SULT4A1: variants seen among roughly 807,000 people sequenced by gnomAD.
SULT4A1 encodes the protein sulfotransferase 4A1.
In SULT4A1, 11 loss-of-function variants were observed where a neutral mutation model predicts 35.2. The ratio of observed to expected loss-of-function variants is 0.31; its 90% CI spans 0.20 to 0.52. The LOEUF (loss-of-function observed/expected upper bound fraction) is 0.52. SULT4A1 is among the 20% of genes least tolerant of loss of function. The pLI is 0.97. For missense variants in SULT4A1, 271 were observed against 383.7 expected (o/e 0.71, Z 2.45); for synonymous variants, 152 against 151.8 (o/e 1.00, Z -0.01).
At chr22:43,851,728 C>G (rs1380146861) in intron 1 of SULT4A1, among the ~76,000 whole-genome samples, 3 of 152,204 alleles carry the variant, frequency 2.0e-5, no homozygotes, top group Non-Finnish European at 4.4e-5. Context: ...CCCACATGCC[C>G]TGTGTCCCAG....
At chr22:43,859,671 T>C (rs949674462) in intron 1 of SULT4A1, among the ~76,000 whole-genome samples, 1 of 152,196 alleles carries the variant, frequency 6.6e-6, no homozygotes, top group Non-Finnish European at 1.5e-5. Flanking sequence ...AAGGTCCTTC[T>C]CAGAAGACAC....
rs776849549 is a variant in SULT4A1 at position 43,862,197 on chromosome 22, G to A, written c.169+17C>T. ...GCTGGGGCATGGCGTGGCGGGCGCG[G>A]TCGGCGCGGGGCTCACCGGACTTGG... On this transcript the variant is annotated intron_variant, in intron 1 of 6. Coordinates refer to ENST00000330884, the MANE Select transcript of SULT4A1 (RefSeq NM_014351.4). 8.0e-6 allele frequency: 12 copies of A among 1,501,624 alleles called. 1 individual carries two copies. Among genetic ancestry groups the A allele is most frequent in the Non-Finnish European group, 8.9e-6 (10 of 1,124,384 alleles). The allele number at this position is 1,501,624 out of a possible 1,614,324, so 93.0% of individuals were successfully genotyped here. A position where few individuals can be genotyped will look rare whatever the true frequency, so the allele number is the denominator to read the frequency against.
At chr22:43,852,119 G>T (rs1242065606) in intron 1 of SULT4A1, among the ~76,000 whole-genome samples, 2 of 152,164 alleles carry the variant, frequency 1.3e-5, no homozygotes, top group Non-Finnish European at 2.9e-5. Context: ...ACAGGGTTCT[G>T]GAGTCCCGGG....
chr22:43,841,821 G>A lies in SULT4A1; in HGVS notation c.281C>T (p.Pro94Leu), dbSNP rs1411613196. The change falls in exon 2 of 7, where the codon CCG (proline) becomes CTG (leucine). Residue 94 changes from proline (P) to leucine (L), a missense_variant. By Grantham distance (98) the Pro-to-Leu change is moderately conservative (BLOSUM62 -3). This residue lies in a region of SULT4A1 where 164 missense variants were observed against 254.1 expected (regional missense o/e 0.65). Transcript: ENST00000330884. ...EQLPVLEYPQ[P>L]GLDIIKELTS... Reference sequence around the variant, plus strand: ...GGGTACCTTGATGATGTCCAGGCCCGGCTGTGGGTACTCCAGGACCGGGAG... The same window carrying A: ...GGGTACCTTGATGATGTCCAGGCCCAGCTGTGGGTACTCCAGGACCGGGAG... The A allele has an allele frequency of 1.6e-5, 26 of 1,613,606 alleles. No individual in the cohort carries two copies. Among genetic ancestry groups the A allele is most frequent in the Non-Finnish European group, 2.1e-5 (25 of 1,179,682 alleles).
chr22:43,830,609 C>T lies in SULT4A1; in HGVS notation c.604-1411G>A, dbSNP rs149294963. ...CGGCACGGAGCCAGCGTGTTGGGGT[C>T]GTGCCTCCACATGGGCAGGTACTAG... is the stretch of plus-strand genomic sequence containing the variant. On this transcript the variant is annotated intron_variant, in intron 5 of 6. Transcript: ENST00000330884. Among the ~76,000 whole-genome samples the T allele has an allele frequency of 3.3e-5, 5 of 152,342 alleles. No homozygotes were observed. The East Asian group carries it at 7.7e-4, about 24-fold the overall frequency.
chr22:43,858,049 CAAA>C (rs11362056), intron 1 of SULT4A1, among the ~76,000 whole-genome samples: 4 of 91,754 alleles, frequency 4.4e-5, no homozygotes, highest in Non-Finnish European at 8.0e-5. Context: ...GATCCTGTCT[CAAA>C]AAAAAAAAAA....
intron 4 of SULT4A1, among the ~76,000 whole-genome samples, chr22:43,837,486 A>C (rs1348209061): frequency 6.6e-6 from 1 of 152,164 alleles, no homozygotes; most frequent in Non-Finnish European, 1.5e-5. Flanking sequence ...TGCCTGGTGG[A>C]CCACAAGAGC....
At chr22:43,849,794 C>T (rs535132431) in intron 1 of SULT4A1, among the ~76,000 whole-genome samples, 3 of 152,218 alleles carry the variant, frequency 2.0e-5, no homozygotes, top group East Asian at 1.9e-4. Context: ...CCTTAACCCT[C>T]GCTGGCAGAA....
intron 1 of SULT4A1, among the ~76,000 whole-genome samples, chr22:43,846,583 T>A (rs1402683586): frequency 3.3e-5 from 5 of 152,166 alleles, no homozygotes; most frequent in Non-Finnish European, 4.4e-5. Context: ...AGGAAGGAAG[T>A]GGTCTGGCTT....
At chr22:43,854,508 G>A (rs1473696818) in intron 1 of SULT4A1, among the ~76,000 whole-genome samples, 1 of 152,136 alleles carries the variant, frequency 6.6e-6, no homozygotes, top group Admixed American at 6.5e-5. Context: ...CTTTATAACT[G>A]GTCCCCTCCT....
At chr22:43,849,098 T>G (rs1283166906) in intron 1 of SULT4A1, among the ~76,000 whole-genome samples, 1 of 152,064 alleles carries the variant, frequency 6.6e-6, no homozygotes, top group Non-Finnish European at 1.5e-5. Context: ...TGTTCTGGGG[T>G]GGAACTCCCC....
At chr22:43,860,024 G>C (rs1569505486) in intron 1 of SULT4A1, among the ~76,000 whole-genome samples, 1 of 152,188 alleles carries the variant, frequency 6.6e-6, no homozygotes, top group Non-Finnish European at 1.5e-5. Context: ...GCGAAGGCAG[G>C]ATCTAATTAT....
intron 1 of SULT4A1, among the ~76,000 whole-genome samples, chr22:43,853,970 G>C (rs2049373278): frequency 7.0e-6 from 1 of 142,618 alleles, no homozygotes; most frequent in African/African-American, 2.7e-5. Flanking sequence ...GGGACCTTAA[G>C]GATGAGGGAG....
intron 1 of SULT4A1, among the ~76,000 whole-genome samples, chr22:43,842,949 C>CT (rs950633988): frequency 2.0e-5 from 3 of 148,570 alleles, no homozygotes; most frequent in African/African-American, 7.5e-5. Flanking sequence ...CACTCCAGGC[C>CT]TTAGAAGCAG....
At chr22:43,859,829 T>A (rs191255996) in intron 1 of SULT4A1, among the ~76,000 whole-genome samples, 1 of 152,264 alleles carries the variant, frequency 6.6e-6, no homozygotes, top group South Asian at 2.1e-4. Context: ...ATGGTGATGC[T>A]ACTGAGGAAC....
chr22:43,829,230 C>A, intron 5 of SULT4A1, 32 bp from the exon 6 acceptor site: 1 of 1,503,464 alleles, frequency 6.7e-7, no homozygotes, highest in South Asian at 1.3e-5. Context: ...CAGAGCAGCC[C>A]ATCAGAGGCG....
At chr22:43,861,694 GGGGACTGGTCCCATCCCCCACCC>G (rs1198965127) in intron 1 of SULT4A1, among the ~76,000 whole-genome samples, 2 of 152,218 alleles carry the variant, frequency 1.3e-5, no homozygotes, top group Non-Finnish European at 2.9e-5. Flanking sequence ...CACTCCAGGC[GGGGACTGGTCCCATCCCCCACCC>G]GGAGCCCAGG....
chr22:43,860,827 C>T (rs766192441), intron 1 of SULT4A1, among the ~76,000 whole-genome samples: 8 of 152,132 alleles, frequency 5.3e-5, no homozygotes, highest in South Asian at 4.2e-4. Context: ...TGGGCCCTCA[C>T]GGTTTTCCAA....
At chr22:43,854,807 C>T in intron 1 of SULT4A1, among the ~76,000 whole-genome samples, 1 of 152,354 alleles carries the variant, frequency 6.6e-6, no homozygotes, top group East Asian at 1.9e-4. Flanking sequence ...GAACCCCTTT[C>T]CTGGCTTCTT....
Sources: gnomAD v4.1 joint callset for allele counts (sites outside exome capture counted in the v4.1 genomes callset) on GRCh38, gnomAD v4.1.1 for gene constraint, gnomAD v4.1.1 regional missense constraint, MANE v1.5 for transcripts, NCBI Gene and HGNC (gene_info 2026-07-23, HGNC 2026-07-21) for gene names.